The following CREBL2 variants were observed in gnomAD, a reference collection of about 807,000 sequenced individuals.
CREBL2 encodes cAMP-responsive element-binding protein-like 2.
In CREBL2, 4 loss-of-function variants were observed where a neutral mutation model predicts 19.5. That is an observed-to-expected ratio of 0.20 (90% CI 0.10 to 0.47). CREBL2 has a LOEUF of 0.47. Ranked by LOEUF, CREBL2 falls within the 20% of genes least tolerant of loss-of-function variation. CREBL2 has a pLI of 0.98. For missense variants in CREBL2, 85 were observed against 145.1 expected (o/e 0.59, Z 2.13); for synonymous variants, 42 against 46.6 (o/e 0.90, Z 0.40).
intron 1 of CREBL2, among the ~76,000 whole-genome samples, chr12:12,631,264 T>G (rs1269443723): frequency 6.6e-6 from 1 of 152,190 alleles, no homozygotes; most frequent in African/African-American, 2.4e-5. Flanking sequence ...TCTAAGTGAT[T>G]GGAGGTAGGG....
At chr12:12,618,778 C>T (rs1006024290) in intron 1 of CREBL2, among the ~76,000 whole-genome samples, 32 of 152,332 alleles carry the variant, frequency 2.1e-4, no homozygotes, top group Middle Eastern at 3.4e-3. Flanking sequence ...CCTGCAATCC[C>T]GGCACCTCGG....
intron 3 of CREBL2, among the ~76,000 whole-genome samples, chr12:12,639,779 C>T (rs142964178): frequency 1.7e-4 from 26 of 151,024 alleles, no homozygotes; most frequent in East Asian, 3.9e-4. Context: ...ACAGCTGGGC[C>T]GCCAGGGGTG....
chr12:12,637,820 C>A (rs997074361), intron 3 of CREBL2, 106 bp downstream of exon 3: 1 of 1,236,280 alleles, frequency 8.1e-7, no homozygotes, highest in Non-Finnish European at 1.1e-6. Flanking sequence ...GTGGGCAGAT[C>A]GCTTGAGCCC....
rs776918485 is a variant in CREBL2, at chr12:12,635,984, C to A, written c.213+10C>A. The A allele has an allele frequency of 2.5e-6, 4 of 1,604,682 alleles. No individual in the cohort carries two copies. The highest frequency in any genetic ancestry group is 4.5e-5 in the East Asian group (2 of 44,828). On this transcript the variant is annotated intron_variant, in intron 2 of 3. Transcript: ENST00000228865. ...AGAGGAACTGGAAATGGTAAGAAAT[C>A]GTCAGTAAACACATGAAAAAATCAC...
intron 1 of CREBL2, among the ~76,000 whole-genome samples, chr12:12,627,739 C>T (rs1003921254): frequency 6.6e-6 from 1 of 152,076 alleles, no homozygotes; most frequent in African/African-American, 2.4e-5. Context: ...TGGAATATAC[C>T]TAGGGCTGGA....
At chr12:12,628,848 C>T (rs1414187822) in intron 1 of CREBL2, among the ~76,000 whole-genome samples, 1 of 152,242 alleles carries the variant, frequency 6.6e-6, no homozygotes, top group African/African-American at 2.4e-5. Flanking sequence ...TGGCTATCCA[C>T]CTGTCCCAGC....
chr12:12,639,640 T>G (rs537876683), intron 3 of CREBL2, among the ~76,000 whole-genome samples: 1 of 151,220 alleles, frequency 6.6e-6, no homozygotes, highest in East Asian at 1.9e-4. Context: ...TTAGGTTGTT[T>G]TTGTTGTTGA....
intron 1 of CREBL2, among the ~76,000 whole-genome samples, chr12:12,629,432 G>A (rs914742306): frequency 3.9e-5 from 6 of 152,234 alleles, no homozygotes; most frequent in South Asian, 2.1e-4. Flanking sequence ...TTGATAGTGT[G>A]TAGAAACACA....
intron 1 of CREBL2, among the ~76,000 whole-genome samples, chr12:12,625,133 G>A (rs1304800616): frequency 6.6e-6 from 1 of 152,124 alleles, no homozygotes; most frequent in Non-Finnish European, 1.5e-5. Context: ...GGGTGATTTA[G>A]GAAAAGGCAA....
chr12:12,613,738 A>C (rs1378430915), intron 1 of CREBL2, among the ~76,000 whole-genome samples: 1 of 152,190 alleles, frequency 6.6e-6, no homozygotes, highest in African/African-American at 2.4e-5. Flanking sequence ...TACACACATT[A>C]ATTCCCTTGA....
At chr12:12,615,648 C>G (rs1249762382) in intron 1 of CREBL2, 2 of 152,194 alleles carry the variant, frequency 1.3e-5, no homozygotes, top group Admixed American at 6.6e-5. Context: ...TGTGTGCCAC[C>G]ATGCCCAGCT....
intron 1 of CREBL2, among the ~76,000 whole-genome samples, chr12:12,622,602 T>A (rs1460341379): frequency 1.3e-5 from 2 of 152,224 alleles, no homozygotes; most frequent in East Asian, 3.8e-4. Context: ...TACTTGATCT[T>A]TCTCCTGTCG....
At chr12:12,641,272 T>A (rs1261764033) in intron 3 of CREBL2, among the ~76,000 whole-genome samples, 4 of 142,744 alleles carry the variant, frequency 2.8e-5, no homozygotes, top group East Asian at 2.0e-4. Context: ...TATTTTTTTT[T>A]TTTTTAGGTC....
rs142404101 is a variant in CREBL2 at position 12,641,253 on chromosome 12, A to ATTTTTTTTTTTTTTTTTT, written c.359-732_359-731insTTTTTTTTTTTTTTTTTT. Among the ~76,000 whole-genome samples, 14 of 78,258 alleles carry ATTTTTTTTTTTTTTTTTT rather than the reference A, an allele frequency of 1.8e-4. 1 individual carries two copies. The highest frequency in any genetic ancestry group is 2.8e-4 in the Non-Finnish European group (11 of 39,952). 51.3% of individuals were successfully genotyped at this position (78,258 alleles called of 152,430 possible). A position where few individuals can be genotyped will look rare whatever the true frequency, so the allele number is the denominator to read the frequency against. Reference sequence around the variant, plus strand: ...TATTATTATTATTATTATTATTATTATTTTTTTTTATTTTTTTTTTTTTTA... The same window carrying ATTTTTTTTTTTTTTTTTT: ...TATTATTATTATTATTATTATTATTATTTTTTTTTTTTTTTTTTTTTTTTTTTATTTTTTTTTTTTTTA... On this transcript the variant is annotated intron_variant, in intron 3 of 3. Transcript: ENST00000228865.
At chr12:12,625,140 G>A (rs1333653957) in intron 1 of CREBL2, among the ~76,000 whole-genome samples, 3 of 152,162 alleles carry the variant, frequency 2.0e-5, no homozygotes, top group Admixed American at 1.3e-4. Flanking sequence ...TTAGGAAAAG[G>A]CAACATTCGA....
chr12:12,617,403 G>T (rs1203187452), intron 1 of CREBL2, among the ~76,000 whole-genome samples: 1 of 150,702 alleles, frequency 6.6e-6, no homozygotes, highest in Non-Finnish European at 1.5e-5. Context: ...AGGCTAGTTG[G>T]GAAGGAAAAA....
chr12:12,635,052 C>A (rs772737413), intron 1 of CREBL2, among the ~76,000 whole-genome samples: 1 of 151,464 alleles, frequency 6.6e-6, no homozygotes, highest in Non-Finnish European at 1.5e-5. Context: ...ACAGAGTAAG[C>A]GAGAACCTGT....
At chr12:12,614,025 G>A (rs1013649687) in intron 1 of CREBL2, among the ~76,000 whole-genome samples, 2 of 113,968 alleles carry the variant, frequency 1.8e-5, no homozygotes, top group South Asian at 2.8e-4. Context: ...CGGAGTCTCC[G>A]CTGTATCGCC....
At chr12:12,613,023 C>T (rs1306205778) in intron 1 of CREBL2, among the ~76,000 whole-genome samples, 1 of 152,204 alleles carries the variant, frequency 6.6e-6, no homozygotes, top group Admixed American at 6.5e-5. Flanking sequence ...AGGCATGCAC[C>T]ACCATGCCCG....
Sources: gnomAD v4.1 joint callset for allele counts (sites outside exome capture counted in the v4.1 genomes callset) on GRCh38, gnomAD v4.1.1 for gene constraint, MANE v1.5 for transcripts, NCBI Gene and HGNC (gene_info 2026-07-23, HGNC 2026-07-21) for gene names.